The following MANSC1 variants were observed in gnomAD, a reference collection of about 807,000 sequenced individuals.
MANSC1 encodes the protein MANSC domain containing 1, also known as MANSC domain-containing protein 1.
A neutral mutation model predicts 14.1 loss-of-function variants in MANSC1; 13 were observed. The ratio of observed to expected loss-of-function variants is 0.92; its 90% confidence interval spans 0.60 to 1.46. The LOEUF is 1.46. Among genes scored for constraint, MANSC1 ranks in the 40% most tolerant of loss-of-function variants. The pLI is 0.00. For synonymous variants in MANSC1, 227 were observed against 200.7 expected, an observed-to-expected ratio of 1.13 and a Z score of -1.11; for missense variants, 486 against 511.4, an observed-to-expected ratio of 0.95 and a Z score of 0.48.
intron 3 of MANSC1, among the ~76,000 whole-genome samples, chr12:12,333,635 C>T (rs563196798): frequency 7.2e-5 from 11 of 152,298 alleles, no homozygotes; most frequent in African/African-American, 2.4e-4. Flanking sequence ...CTCTCAGTCA[C>T]GCAGAGATGA....
At chr12:12,334,205 T>A (rs560842533) in intron 3 of MANSC1, among the ~76,000 whole-genome samples, 1 of 149,972 alleles carries the variant, frequency 6.7e-6, no homozygotes, top group Non-Finnish European at 1.5e-5. Context: ...CAGTGAGCCA[T>A]GATCGCGCCG....
chr12:12,342,823 A>G (rs978125751), intron 2 of MANSC1, among the ~76,000 whole-genome samples: 5 of 152,046 alleles, frequency 3.3e-5, no homozygotes, highest in African/African-American at 1.2e-4. Flanking sequence ...TTTGTTTTCA[A>G]TATTCTAGAT....
Position 12,342,844 on chromosome 12 carries a change from A to T in MANSC1, c.223+248T>A, listed in dbSNP as rs143850331. The stretch of plus-strand genomic sequence containing the variant: ...TTCAATATTCTAGATACCAGTTGGG[A>T]TATAACACCAGTGATTCTCAACCTC... On this transcript the variant is annotated intron_variant, in intron 2 of 3. Transcript: ENST00000535902. Among the ~76,000 whole-genome samples, 322 of 152,274 alleles carry T rather than the reference A, an allele frequency of 2.1e-3. 4 individuals are homozygous for T. The highest frequency in any genetic ancestry group is 6.2e-3 in the African/African-American group (258 of 41,550).
chr12:12,342,468 G>A (rs923248671), intron 2 of MANSC1, among the ~76,000 whole-genome samples: 2 of 151,542 alleles, frequency 1.3e-5, no homozygotes, highest in African/African-American at 4.9e-5. Flanking sequence ...GCAAGTCCTG[G>A]TTCAAACCTA....
intron 3 of MANSC1, among the ~76,000 whole-genome samples, chr12:12,331,965 A>G (rs1350083305): frequency 2.0e-5 from 3 of 152,174 alleles, no homozygotes; most frequent in African/African-American, 7.2e-5. Context: ...CACAGAGGGC[A>G]GAAAAACCAT....
intron 2 of MANSC1, among the ~76,000 whole-genome samples, chr12:12,339,915 C>G (rs1431562265): frequency 1.3e-5 from 2 of 152,036 alleles, no homozygotes; most frequent in African/African-American, 2.4e-5. Context: ...TGGGCTCAAA[C>G]AATCCTCCCA....
intron 3 of MANSC1, among the ~76,000 whole-genome samples, chr12:12,334,031 T>G (rs1435039838): frequency 6.6e-6 from 1 of 152,108 alleles, no homozygotes; most frequent in Non-Finnish European, 1.5e-5. Flanking sequence ...GGATGATTGC[T>G]TGAGGCCAGG....
At position 12,330,401 on chromosome 12, in the gene MANSC1, G is replaced by A. The variant is rs1862768293; in HGVS notation, c.922C>T (p.Gln308Ter). ...CTGCCTTTCGAGTCCGTAGGTGCCT[G>A]AAAGGTGGTAGTCAGAACTGCTGTT... ...ATTAVLTTTF[Q>*]APTDSKGSLE... The change falls in exon 4 of 4, where the codon CAG becomes TAG. Residue 308 changes from glutamine (Q) to a stop codon, truncating the protein, a stop_gained. Coordinates refer to ENST00000535902, the MANE Select transcript of MANSC1 (RefSeq NM_018050.4). LOFTEE classifies it low-confidence loss of function (END_TRUNC). The A allele has an allele frequency of 6.2e-7, 1 of 1,614,258 alleles. No individual in the cohort carries two copies. The highest frequency in any genetic ancestry group is 1.3e-5 in the African/African-American group (1 of 75,078).
intron 3 of MANSC1, among the ~76,000 whole-genome samples, chr12:12,335,494 G>T (rs1484818390): frequency 6.6e-6 from 1 of 151,564 alleles, no homozygotes; most frequent in African/African-American, 2.4e-5. Context: ...GCACGCACCA[G>T]CACACCCGGC....
chr12:12,342,397 G>A (rs1261285578), intron 2 of MANSC1, among the ~76,000 whole-genome samples: 2 of 152,096 alleles, frequency 1.3e-5, no homozygotes, highest in Non-Finnish European at 2.9e-5. Flanking sequence ...TTGAAAAAAG[G>A]TTTTACTAAA....
At chr12:12,342,187 C>T (rs1279068135) in intron 2 of MANSC1, among the ~76,000 whole-genome samples, 1 of 152,226 alleles carries the variant, frequency 6.6e-6, no homozygotes. Flanking sequence ...AAGCAATCCT[C>T]CTGCCTTGGC....
At chr12:12,343,738 C>T (rs569895293) in intron 1 of MANSC1, among the ~76,000 whole-genome samples, 1 of 152,352 alleles carries the variant, frequency 6.6e-6, no homozygotes, top group East Asian at 1.9e-4. Context: ...AGAGGGCACA[C>T]ATTTCTAGTC....
chr12:12,338,305 G>A, intron 3 of MANSC1, 115 bp downstream of exon 3: 1 of 850,496 alleles, frequency 1.2e-6, no homozygotes, highest in Non-Finnish European at 1.7e-6. Flanking sequence ...GAGATTTTCT[G>A]ATATGTCTGG....
intron 1 of MANSC1, among the ~76,000 whole-genome samples, chr12:12,344,914 C>T (rs569200501): frequency 4.1e-5 from 2 of 49,346 alleles, no homozygotes; most frequent in Admixed American, 2.8e-4. Flanking sequence ...TTAATAAACT[C>T]CCATATATAT....
Position 12,329,939 on chromosome 12 carries a change from C to T in MANSC1, c.*88G>A. The T allele has an allele frequency of 8.9e-7, 1 of 1,117,442 alleles. No homozygotes were observed. The highest frequency in any genetic ancestry group is 2.4e-5 in the East Asian group (1 of 41,472). 69.2% of individuals were successfully genotyped at this position (1,117,442 alleles called of 1,614,324 possible). A position where few individuals can be genotyped will look rare whatever the true frequency, so the allele number is the denominator to read the frequency against. On this transcript the variant is annotated 3_prime_UTR_variant, in exon 4 of 4. Coordinates refer to ENST00000535902, the MANE Select transcript of MANSC1 (RefSeq NM_018050.4). ...GCATTTTCCTGTCTTCAAAATACAA[C>T]CTCCTGCTAAGACTAGCAAGTCAGC...
Position 12,329,953 on chromosome 12 carries a change from T to G in MANSC1, c.*74A>C. ...TCAAAATACAACCTCCTGCTAAGAC[T>G]AGCAAGTCAGCAGAAACTCATTGCA... On this transcript the variant is annotated 3_prime_UTR_variant, in exon 4 of 4. Transcript: ENST00000535902. 2 of 1,269,756 alleles carry G rather than the reference T, an allele frequency of 1.6e-6. No individual in the cohort carries two copies. Among genetic ancestry groups the G allele is most frequent in the South Asian group, 2.8e-5 (2 of 70,714 alleles). 78.7% of individuals were successfully genotyped at this position (1,269,756 alleles called of 1,614,324 possible).
chr12:12,337,310 C>T (rs753769581), intron 3 of MANSC1, among the ~76,000 whole-genome samples: 2 of 150,254 alleles, frequency 1.3e-5, no homozygotes, highest in Non-Finnish European at 3.0e-5. Flanking sequence ...GTAATCCCAG[C>T]ACTTTGGGAG....
chr12:12,331,719 A>G (rs1862792585), intron 3 of MANSC1, among the ~76,000 whole-genome samples: 1 of 152,118 alleles, frequency 6.6e-6, no homozygotes, highest in African/African-American at 2.4e-5. Flanking sequence ...AGGGAGGAGG[A>G]GGAGGGGCCA....
rs894000774 is a variant in MANSC1 at position 12,326,591 on chromosome 12, A to G, written c.*3436T>C. The G allele has an allele frequency of 2.7e-5, 4 of 146,146 alleles. No individual in the cohort carries two copies. Among genetic ancestry groups the G allele is most frequent in the Non-Finnish European group, 4.5e-5 (3 of 66,466 alleles). The allele number at this position is 146,146 out of a possible 1,614,324, so 9.1% of individuals were successfully genotyped here. A position where few individuals can be genotyped will look rare whatever the true frequency, so the allele number is the denominator to read the frequency against. On this transcript the variant is annotated 3_prime_UTR_variant, in exon 4 of 4. Transcript: ENST00000535902. ...TCATCCAGGAGTCCTCAGGTTTTTT[A>G]AGAGTTTTTTAGTTTTTTTTTTGTT...
Sources: gnomAD v4.1 joint callset for allele counts (sites outside exome capture counted in the v4.1 genomes callset) on GRCh38, gnomAD v4.1.1 for gene constraint, MANE v1.5 for transcripts, NCBI Gene and HGNC (gene_info 2026-07-23, HGNC 2026-07-21) for gene names.